The following C2orf92 variants were observed in gnomAD, a reference collection of about 807,000 sequenced individuals.
C2orf92 encodes the protein chromosome 2 open reading frame 92.
chr2:97,684,105 A>G (rs1184047295), intron 3 of C2orf92, among the ~76,000 whole-genome samples: 1 of 140,426 alleles, frequency 7.1e-6, no homozygotes, highest in African/African-American at 2.7e-5. Context: ...GTGTGATCTC[A>G]GCTCACTGCA....
intron 3 of C2orf92, among the ~76,000 whole-genome samples, chr2:97,678,217 A>G (rs892043074): frequency 6.6e-6 from 1 of 152,034 alleles, no homozygotes; most frequent in Non-Finnish European, 1.5e-5. Context: ...TAAAAAAAAA[A>G]AGAAAGGATC....
chr2:97,670,356 G>T (rs1217174962), intron 1 of C2orf92: 1 of 151,948 alleles, frequency 6.6e-6, no homozygotes, highest in African/African-American at 2.4e-5. Flanking sequence ...GCCATGCATG[G>T]TGATGCGTGC....
At chr2:97,679,411 A>G (rs1020384920) in intron 3 of C2orf92, among the ~76,000 whole-genome samples, 1 of 152,222 alleles carries the variant, frequency 6.6e-6, no homozygotes, top group African/African-American at 2.4e-5. Flanking sequence ...TATTGAAACT[A>G]AGTTGATACT....
chr2:97,684,588 A>T (rs1039043366), intron 3 of C2orf92, among the ~76,000 whole-genome samples: 3 of 152,234 alleles, frequency 2.0e-5, no homozygotes, highest in African/African-American at 7.2e-5. Context: ...TAAATCTGAC[A>T]CCAAAAGCAG....
chr2:97,666,842 CAAAA>C (rs56257918), upstream of C2orf92: 3 of 68,006 alleles, frequency 4.4e-5, no homozygotes, highest in Non-Finnish European at 5.4e-5. Flanking sequence ...GACTCTGTCT[CAAAA>C]AAAAAAAAAA....
Position 97,700,091 on chromosome 2 carries a change from A to G in C2orf92, c.514+955A>G, listed in dbSNP as rs534163285. Among the ~76,000 whole-genome samples, 5 of 152,288 alleles carry G rather than the reference A, an allele frequency of 3.3e-5. No homozygotes were observed. The South Asian group carries it at 8.3e-4, about 25-fold the overall frequency. ...TGTCTTTTTCTTTTTTGGTCACATT[A>G]TAAATGGGGTGACAGAAGCTCTAGG... On this transcript the variant is annotated intron_variant, in intron 6 of 7. Transcript: ENST00000627399.
chr2:97,674,435 C>T (rs1365168807), intron 1 of C2orf92, 21 bp from the exon 2 acceptor site: 3 of 398,378 alleles, frequency 7.5e-6, no homozygotes, highest in Admixed American at 8.8e-5. Context: ...TATTAACATG[C>T]CTTTGTTTGC....
At chr2:97,670,843 C>T (rs1302880591) in intron 1 of C2orf92, 1 of 152,132 alleles carries the variant, frequency 6.6e-6, no homozygotes, top group Non-Finnish European at 1.5e-5. Flanking sequence ...GAATTACAGG[C>T]ATGAACCACT....
chr2:97,694,231 CCTTT>C (rs551839340), intron 5 of C2orf92, among the ~76,000 whole-genome samples: 60 of 151,440 alleles, frequency 4.0e-4, no homozygotes, highest in Non-Finnish European at 5.3e-4. Flanking sequence ...TTCAAAATGT[CCTTT>C]CTTTCTTTCT....
At chr2:97,669,022 T>G (rs1675320582), upstream of C2orf92, 1 of 152,132 alleles carries the variant, frequency 6.6e-6, no homozygotes, top group South Asian at 2.1e-4. Flanking sequence ...GAACAGACAC[T>G]GTAAGAACAT....
intron 5 of C2orf92, among the ~76,000 whole-genome samples, chr2:97,691,378 C>T (rs968500343): frequency 1.3e-5 from 2 of 152,174 alleles, no homozygotes; most frequent in Admixed American, 6.5e-5. Context: ...TGGCTGAGCA[C>T]ATTCCTGAGG....
intron 3 of C2orf92, among the ~76,000 whole-genome samples, chr2:97,683,647 TA>T (rs1439879609): frequency 1.3e-5 from 2 of 151,538 alleles, no homozygotes; most frequent in African/African-American, 4.9e-5. Context: ...AAATCTACCG[TA>T]AGATTCGTAT....
At chr2:97,668,421 A>T (rs1675304868), upstream of C2orf92, 1 of 152,154 alleles carries the variant, frequency 6.6e-6, no homozygotes, top group South Asian at 2.1e-4. Context: ...GTGTTCTTAG[A>T]AGAGGAAATG....
At chr2:97,671,838 C>A (rs1458056332) in intron 1 of C2orf92, 1 of 234,388 alleles carries the variant, frequency 4.3e-6, no homozygotes, top group African/African-American at 2.2e-5. Flanking sequence ...GGGTTCTCAG[C>A]CCTAACTGAG....
chr2:97,701,528 C>T (rs1369408175), intron 7 of C2orf92, among the ~76,000 whole-genome samples: 3 of 152,224 alleles, frequency 2.0e-5, no homozygotes, highest in African/African-American at 7.2e-5. Context: ...TTGGGGATCC[C>T]TGGGTGGGCC....
At chr2:97,690,072 C>T (rs145173507) in intron 4 of C2orf92, among the ~76,000 whole-genome samples, 184 bp from the exon 5 acceptor site, 4 of 151,422 alleles carry the variant, frequency 2.6e-5, no homozygotes, top group African/African-American at 9.7e-5. Flanking sequence ...CGGAGGTTGC[C>T]GTGAGCCGAG....
At chr2:97,693,147 T>C (rs926255384) in intron 5 of C2orf92, among the ~76,000 whole-genome samples, 1 of 152,216 alleles carries the variant, frequency 6.6e-6, no homozygotes. Flanking sequence ...TGTTGTAGCA[T>C]ATGACAGAAT....
chr2:97,690,766 G>A, intron 5 of C2orf92, among the ~76,000 whole-genome samples: 1 of 145,662 alleles, frequency 6.9e-6, no homozygotes, highest in Non-Finnish European at 1.5e-5. Context: ...GTACAAGAGA[G>A]TACTTGTTTT....
At chr2:97,665,756 TATATA>T (rs1236319032), upstream of C2orf92, 9 of 133,512 alleles carry the variant, frequency 6.7e-5, no homozygotes, top group African/African-American at 2.5e-4. Context: ...TATATATATA[TATATA>T]TATATATATA....
Sources: gnomAD v4.1 joint callset for allele counts (sites outside exome capture counted in the v4.1 genomes callset) on GRCh38, gnomAD v4.1.1 for gene constraint, MANE v1.5 for transcripts, NCBI Gene and HGNC (gene_info 2026-07-23, HGNC 2026-07-21) for gene names.